The following CHST12 variants were observed in gnomAD, a reference collection of about 807,000 sequenced individuals.
CHST12 encodes carbohydrate (chondroitin 4) sulfotransferase 12.
A neutral mutation model predicts 27.9 loss-of-function variants in CHST12; 23 were observed. The ratio of observed to expected loss-of-function variants is 0.82; its 90% CI spans 0.59 to 1.17. The LOEUF (loss-of-function observed/expected upper bound fraction) is 1.17, where lower values mean the gene tolerates loss of function less well. Ranked by LOEUF, CHST12 falls within the 50% of genes most tolerant of loss-of-function variation. The probability of loss-of-function intolerance (pLI) is 0.00; values close to 1 mark genes in which losing one functional copy is unlikely to be tolerated. For missense variants in CHST12, 682 were observed against 603.0 expected, an observed-to-expected ratio of 1.13 and a Z score of -1.37; for synonymous variants, 322 against 273.0, an observed-to-expected ratio of 1.18 and a Z score of -1.77.
intron 1 of CHST12, among the ~76,000 whole-genome samples, chr7:2,426,820 A>G (rs1391851308): frequency 1.3e-5 from 2 of 151,914 alleles, no homozygotes; most frequent in African/African-American, 4.8e-5. Flanking sequence ...GTGGAGCTCC[A>G]TCCCTACTAA....
rs1028506566 is a variant in CHST12, at chr7:2,444,734, A to C, written c.*10850A>C. The C allele has an allele frequency of 2.0e-5, 3 of 152,206 alleles. No homozygotes were observed. The highest frequency in any genetic ancestry group is 6.5e-5 in the Admixed American group (1 of 15,274). The allele number at this position is 152,206 out of a possible 1,614,324, so 9.4% of individuals were successfully genotyped here. Reference sequence around the variant, plus strand: ...AGCATTGGGAGATGGCTGGGTGGAGAGTCTGCGGGAGGCTACAAGGCAAAA... The same window carrying C: ...AGCATTGGGAGATGGCTGGGTGGAGCGTCTGCGGGAGGCTACAAGGCAAAA... On this transcript the variant is annotated 3_prime_UTR_variant, in exon 2 of 2. Coordinates refer to ENST00000618655, the MANE Select transcript of CHST12 (RefSeq NM_018641.5).
chr7:2,410,401 A>G (rs1399702370), intron 1 of CHST12, among the ~76,000 whole-genome samples: 3 of 152,026 alleles, frequency 2.0e-5, no homozygotes, highest in Non-Finnish European at 2.9e-5. Flanking sequence ...TAATCCTGAC[A>G]TTTTGGGAGG....
Position 2,439,172 on chromosome 7 carries a change from T to C in CHST12, c.*5288T>C, listed in dbSNP as rs2115457777. 6.6e-6 allele frequency: 1 copy of C among 152,282 alleles called. No homozygotes were observed. Among genetic ancestry groups the C allele is most frequent in the South Asian group, 2.1e-4 (1 of 4,828 alleles). 9.4% of individuals were successfully genotyped at this position (152,282 alleles called of 1,614,324 possible). A position where few individuals can be genotyped will look rare whatever the true frequency, so the allele number is the denominator to read the frequency against. The stretch of plus-strand genomic sequence containing the variant: ...AGACTCGCACACAACTGCATTAATA[T>C]GTTGGTGTTTGATAAACTAGGGTTG... On this transcript the variant is annotated 3_prime_UTR_variant, in exon 2 of 2. Coordinates refer to ENST00000618655, the MANE Select transcript of CHST12 (RefSeq NM_018641.5).
intron 1 of CHST12, among the ~76,000 whole-genome samples, chr7:2,428,913 T>C (rs1262542906): frequency 6.6e-6 from 1 of 152,202 alleles, no homozygotes; most frequent in African/African-American, 2.4e-5. Context: ...TAAAGAGGCC[T>C]AGAAGAGCCG....
chr7:2,438,472 C>G lies in CHST12; in HGVS notation c.*4588C>G, dbSNP rs1250015881. On this transcript the variant is annotated 3_prime_UTR_variant, in exon 2 of 2. Coordinates refer to ENST00000618655, the MANE Select transcript of CHST12 (RefSeq NM_018641.5). ...GAATAACAGACTCCCAAATATCACACAGGCTGCAGATACCACCCAGCCCCC... is the reference window on the plus strand; with the variant it reads ...GAATAACAGACTCCCAAATATCACAGAGGCTGCAGATACCACCCAGCCCCC... The G allele has an allele frequency of 6.6e-6, 1 of 152,252 alleles. No homozygotes were observed. Among genetic ancestry groups the G allele is most frequent in the Non-Finnish European group, 1.5e-5 (1 of 68,088 alleles). The allele number at this position is 152,252 out of a possible 1,614,324, so 9.4% of individuals were successfully genotyped here.
chr7:2,442,928 GT>G lies in CHST12; in HGVS notation c.*9054del, dbSNP rs1209422646. The G allele has an allele frequency of 5.4e-5, 8 of 149,012 alleles. No individual in the cohort carries two copies. Among genetic ancestry groups the G allele is most frequent in the Admixed American group, 2.0e-4 (3 of 14,908 alleles). The allele number at this position is 149,012 out of a possible 1,614,324, so 9.2% of individuals were successfully genotyped here. A position where few individuals can be genotyped will look rare whatever the true frequency, so the allele number is the denominator to read the frequency against. ...ATGATCTGAAGTGGAACAGGTTTTT[GT>G]TTTTTTTTTCCAGACAGAGTCTTGC... On this transcript the variant is annotated 3_prime_UTR_variant, in exon 2 of 2. Coordinates refer to ENST00000618655, the MANE Select transcript of CHST12 (RefSeq NM_018641.5).
rs1207308987 is a variant in CHST12, at chr7:2,447,370, G to A, written c.*13486G>A. Reference sequence around the variant, plus strand: ...TGCCTTCGTGGTCTTCCTCATGGAGGATTTCGGGTCAGCGTGGGGGTCAGA... The same window carrying A: ...TGCCTTCGTGGTCTTCCTCATGGAGAATTTCGGGTCAGCGTGGGGGTCAGA... On this transcript the variant is annotated 3_prime_UTR_variant, in exon 2 of 2. Coordinates refer to ENST00000618655, the MANE Select transcript of CHST12 (RefSeq NM_018641.5). The A allele has an allele frequency of 6.6e-6, 1 of 152,256 alleles. No individual in the cohort carries two copies. The highest frequency in any genetic ancestry group is 6.5e-5 in the Admixed American group (1 of 15,284). The allele number at this position is 152,256 out of a possible 1,614,324, so 9.4% of individuals were successfully genotyped here.
intron 1 of CHST12, among the ~76,000 whole-genome samples, chr7:2,407,233 G>A (rs1449087867): frequency 6.6e-6 from 1 of 152,070 alleles, no homozygotes; most frequent in Non-Finnish European, 1.5e-5. Flanking sequence ...ATCGTTTGAG[G>A]CCAGGAGTTC....
chr7:2,429,247 G>T (rs954631247), intron 1 of CHST12, among the ~76,000 whole-genome samples: 1 of 152,166 alleles, frequency 6.6e-6, no homozygotes, highest in African/African-American at 2.4e-5. Flanking sequence ...TAGTTTCAGG[G>T]GGTCTCCCTA....
In CHST12 at chr7:2,433,954, T is replaced by TA. The variant is rs1782392538; in HGVS notation, c.*71dup. ...CGCGCACTCCAGTTTTTTTATGACCTACGATTTTGCAATCTGGGCTTCTTG... is the reference window on the plus strand; with the variant it reads ...CGCGCACTCCAGTTTTTTTATGACCTAACGATTTTGCAATCTGGGCTTCTTG... On this transcript the variant is annotated 3_prime_UTR_variant, in exon 2 of 2. Transcript: ENST00000618655. The surrounding 1 kb of genome is among the most constrained non-coding windows in gnomAD (Gnocchi z 6.1). 7.3e-7 allele frequency: 1 copy of TA among 1,373,532 alleles called. No individual in the cohort carries two copies. The highest frequency in any genetic ancestry group is 1.0e-6 in the Non-Finnish European group (1 of 1,004,996). The allele number at this position is 1,373,532 out of a possible 1,614,324, so 85.1% of individuals were successfully genotyped here.
intron 1 of CHST12, among the ~76,000 whole-genome samples, chr7:2,415,841 C>T (rs1315118138): frequency 2.0e-5 from 3 of 152,092 alleles, no homozygotes; most frequent in Admixed American, 6.6e-5. Flanking sequence ...GTCTCGATCT[C>T]CTGACCTTGT....
At position 2,440,555 on chromosome 7, in the gene CHST12, G is replaced by C. The variant is rs1782577424; in HGVS notation, c.*6671G>C. 6.6e-6 allele frequency: 1 copy of C among 152,420 alleles called. No homozygotes were observed. The highest frequency in any genetic ancestry group is 1.5e-5 in the Non-Finnish European group (1 of 68,220). The allele number at this position is 152,420 out of a possible 1,614,324, so 9.4% of individuals were successfully genotyped here. A position where few individuals can be genotyped will look rare whatever the true frequency, so the allele number is the denominator to read the frequency against. On this transcript the variant is annotated 3_prime_UTR_variant, in exon 2 of 2. Coordinates refer to ENST00000618655, the MANE Select transcript of CHST12 (RefSeq NM_018641.5). ...CACCCCAGATGAGGCTCGGTTGTGA[G>C]TAGGAGCGGGGTGGGCCACCGAAGA...
rs144617457 is a variant in CHST12 at position 2,441,925 on chromosome 7, A to G, written c.*8041A>G. 1 of 152,110 alleles carries G rather than the reference A, an allele frequency of 6.6e-6. No individual in the cohort carries two copies. The highest frequency in any genetic ancestry group is 2.4e-5 in the African/African-American group (1 of 41,398). 9.4% of individuals were successfully genotyped at this position (152,110 alleles called of 1,614,324 possible). A position where few individuals can be genotyped will look rare whatever the true frequency, so the allele number is the denominator to read the frequency against. ...TGCCCTCTTCCCCATTTTTAAGTGA[A>G]CAGTTCAGTGGCATTAAGCACATTC... On this transcript the variant is annotated 3_prime_UTR_variant, in exon 2 of 2. Coordinates refer to ENST00000618655, the MANE Select transcript of CHST12 (RefSeq NM_018641.5).
chr7:2,419,608 G>A (rs1368972401), intron 1 of CHST12, among the ~76,000 whole-genome samples: 2 of 151,532 alleles, frequency 1.3e-5, no homozygotes, highest in Non-Finnish European at 2.9e-5. Flanking sequence ...TTAGGAGGCT[G>A]AGGCAGGAGA....
chr7:2,432,583 G>T lies in CHST12; in HGVS notation c.-57G>T. 1 of 1,546,584 alleles carries T rather than the reference G, an allele frequency of 6.5e-7. No individual in the cohort carries two copies. Among genetic ancestry groups the T allele is most frequent in the Non-Finnish European group, 8.8e-7 (1 of 1,141,956 alleles). On this transcript the variant is annotated 5_prime_UTR_variant, in exon 2 of 2. Coordinates refer to ENST00000618655, the MANE Select transcript of CHST12 (RefSeq NM_018641.5). ...TGCAGGTTCCCAGCAGGATGCCCCG[G>T]CTCTGCAGGAAGCTGAAGTGAGAGG...
chr7:2,413,247 A>G (rs952018819), intron 1 of CHST12, among the ~76,000 whole-genome samples: 2 of 152,158 alleles, frequency 1.3e-5, no homozygotes, highest in African/African-American at 2.4e-5. Context: ...GTCTGTGCGG[A>G]ACTCTGCACT....
At chr7:2,427,918 G>T (rs1273277665) in intron 1 of CHST12, among the ~76,000 whole-genome samples, 1 of 151,880 alleles carries the variant, frequency 6.6e-6, no homozygotes, top group East Asian at 1.9e-4. Flanking sequence ...CCAGATTCAA[G>T]CGATTCTCCT....
intron 1 of CHST12, among the ~76,000 whole-genome samples, chr7:2,405,898 G>A (rs1781512714): frequency 6.6e-6 from 1 of 152,130 alleles, no homozygotes; most frequent in African/African-American, 2.4e-5. Flanking sequence ...GTACAAGGAG[G>A]GAATCCCCAG....
rs114841399 is a variant in CHST12, at chr7:2,432,817, C to T, written c.178C>T (p.Leu60Phe). 9.7e-4 allele frequency: 1,558 copies of T among 1,613,856 alleles called. 18 individuals carry two copies. The African/African-American group carries it at 0.019, about 19-fold the overall frequency. ...PTPGPDRDRE[L>F]TADSDVDEFL... The stretch of plus-strand genomic sequence containing the variant: ...GCCCGGGCCGGACAGGGACAGGGAG[C>T]TCACGGCCGACTCCGATGTCGACGA... Residue 60 changes from leucine (L) to phenylalanine (F), a missense_variant, in exon 2 of 2, where the codon CTC becomes TTC. Physicochemically the swap from Leu to Phe is conservative, Grantham distance 22 (BLOSUM62 0). Coordinates refer to ENST00000618655, the MANE Select transcript of CHST12 (RefSeq NM_018641.5).
Sources: allele counts gnomAD v4.1 joint callset (sites outside exome capture counted in the v4.1 genomes callset), GRCh38; gene constraint gnomAD v4.1.1; non-coding constraint Gnocchi (gnomAD v3.1); transcripts MANE v1.5; gene names NCBI Gene and HGNC (gene_info 2026-07-23, HGNC 2026-07-21).